The following BACH2 variants were observed in gnomAD, a reference collection of about 807,000 sequenced individuals.
BACH2 encodes BACH transcriptional regulator 2, also known as transcription regulator protein BACH2.
BACH2 carries 5 observed loss-of-function variants against 61.8 expected under a neutral mutation model. The ratio of observed to expected loss-of-function variants is 0.08; its 90% CI spans 0.04 to 0.17. The LOEUF (loss-of-function observed/expected upper bound fraction) is 0.17, where lower values mean the gene tolerates loss of function less well. BACH2 is among the 10% of genes least tolerant of loss of function. The pLI is 1.00. For synonymous variants in BACH2, 446 were observed against 440.1 expected (o/e 1.01, Z -0.17); for missense variants, 824 against 1,091.1 (o/e 0.76, Z 3.45).
intron 6 of BACH2, among the ~76,000 whole-genome samples, chr6:89,992,955 A>T (rs61207552): frequency 0.011 from 1,654 of 152,314 alleles, 12 homozygotes; most frequent in Middle Eastern, 0.034. Flanking sequence ...ATGAGGTCAC[A>T]AGGGTGGGGC....
intron 4 of BACH2, among the ~76,000 whole-genome samples, chr6:90,117,536 T>C (rs993667148): frequency 3.3e-5 from 5 of 151,522 alleles, no homozygotes; most frequent in Non-Finnish European, 7.4e-5. Flanking sequence ...CTATGATGAA[T>C]GCTCATTTAT....
intron 3 of BACH2, among the ~76,000 whole-genome samples, chr6:90,227,120 C>T (rs1268391416): frequency 6.6e-6 from 1 of 152,202 alleles, no homozygotes; most frequent in Non-Finnish European, 1.5e-5. Context: ...TTTTCTTAGC[C>T]TAATGGAATA....
At chr6:90,103,464 G>A (rs1782763999) in intron 4 of BACH2, among the ~76,000 whole-genome samples, 1 of 152,176 alleles carries the variant, frequency 6.6e-6, no homozygotes, top group East Asian at 1.9e-4. Flanking sequence ...GACAAAAATC[G>A]AGAAACAATT....
chr6:90,256,995 C>T (rs753352001), intron 2 of BACH2, among the ~76,000 whole-genome samples: 25 of 152,168 alleles, frequency 1.6e-4, no homozygotes, highest in Non-Finnish European at 2.2e-4. Context: ...TGGCGTATTT[C>T]GCTTAGCACA....
intron 4 of BACH2, among the ~76,000 whole-genome samples, chr6:90,201,578 C>T (rs1193909755): frequency 6.6e-6 from 1 of 152,134 alleles, no homozygotes; most frequent in Non-Finnish European, 1.5e-5. Flanking sequence ...AACTCTTTCT[C>T]ATACATGGGT....
At chr6:90,116,925 G>A (rs987536505) in intron 4 of BACH2, 2 of 468,166 alleles carry the variant, frequency 4.3e-6, no homozygotes, top group Non-Finnish European at 3.7e-6. Flanking sequence ...CATTCCCTAT[G>A]TCCAAGTACA....
intron 4 of BACH2, among the ~76,000 whole-genome samples, chr6:90,132,430 C>T (rs1293462502): frequency 6.6e-6 from 1 of 152,190 alleles, no homozygotes; most frequent in African/African-American, 2.4e-5. Flanking sequence ...TACTTCCAGG[C>T]TCCTAGACTT....
intron 1 of BACH2, among the ~76,000 whole-genome samples, 159 bp downstream of exon 1, chr6:90,296,321 A>G (rs1772385598): frequency 6.6e-6 from 1 of 151,134 alleles, no homozygotes; most frequent in Non-Finnish European, 1.5e-5. Context: ...AAAAGCGGGC[A>G]GGGCGCGGGG....
At chr6:89,963,190 C>T (rs1160527814) in intron 6 of BACH2, among the ~76,000 whole-genome samples, 1 of 152,162 alleles carries the variant, frequency 6.6e-6, no homozygotes, top group Non-Finnish European at 1.5e-5. Flanking sequence ...TGAGATCTCA[C>T]CTTACACCCA....
At chr6:90,017,318 C>T (rs1322255899) in intron 5 of BACH2, among the ~76,000 whole-genome samples, 1 of 151,916 alleles carries the variant, frequency 6.6e-6, no homozygotes, top group East Asian at 1.9e-4. Flanking sequence ...CTCCTGGGTT[C>T]GAGTGATTCT....
intron 4 of BACH2, among the ~76,000 whole-genome samples, chr6:90,149,597 G>T (rs1015883295): frequency 1.3e-5 from 2 of 152,126 alleles, no homozygotes; most frequent in Non-Finnish European, 2.9e-5. Context: ...CAGCATAAAC[G>T]AAACATTCAA....
At chr6:90,251,126 T>C (rs940636492) in intron 3 of BACH2, among the ~76,000 whole-genome samples, 9 of 151,918 alleles carry the variant, frequency 5.9e-5, no homozygotes, top group African/African-American at 2.2e-4. Context: ...AAAATAGTAA[T>C]AATAATATAG....
chr6:89,939,145 G>A (rs1043708700), intron 7 of BACH2, among the ~76,000 whole-genome samples: 1 of 152,188 alleles, frequency 6.6e-6, no homozygotes, highest in South Asian at 2.1e-4. Context: ...TATAGTTTCT[G>A]AGGCTAGGTC....
At chr6:90,295,940 G>A (rs1000920836) in intron 1 of BACH2, among the ~76,000 whole-genome samples, 5 of 152,084 alleles carry the variant, frequency 3.3e-5, no homozygotes, top group South Asian at 4.1e-4. Context: ...GCGCAAAGGC[G>A]CCGCGGCCAA....
At chr6:90,234,475 G>A (rs1770198519) in intron 3 of BACH2, among the ~76,000 whole-genome samples, 1 of 152,148 alleles carries the variant, frequency 6.6e-6, no homozygotes, top group Non-Finnish European at 1.5e-5. Context: ...ACCTTAGCCT[G>A]AAAAAGCTCT....
At chr6:89,941,880 C>A (rs1201336999) in intron 7 of BACH2, among the ~76,000 whole-genome samples, 1 of 152,146 alleles carries the variant, frequency 6.6e-6, no homozygotes, top group Non-Finnish European at 1.5e-5. Flanking sequence ...TTAAATCATC[C>A]AGACAGTGAA....
At chr6:89,993,836 A>G (rs1776711009) in intron 6 of BACH2, among the ~76,000 whole-genome samples, 1 of 150,574 alleles carries the variant, frequency 6.6e-6, no homozygotes, top group African/African-American at 2.4e-5. Context: ...TCTATATTTC[A>G]TACTTGAATA....
At chr6:90,188,760 G>GAAAAAAAAAAAAAA (rs57618295) in intron 4 of BACH2, among the ~76,000 whole-genome samples, 1 of 78,746 alleles carries the variant, frequency 1.3e-5, no homozygotes, top group Non-Finnish European at 2.6e-5. Context: ...GCCCCAAAAT[G>GAAAAAAAAAAAAAA]AAAAAAAAAA....
intron 4 of BACH2, among the ~76,000 whole-genome samples, chr6:90,107,344 C>T (rs1046073259): frequency 6.6e-6 from 1 of 151,850 alleles, no homozygotes; most frequent in Non-Finnish European, 1.5e-5. Flanking sequence ...TACATTCCAG[C>T]CTGGAGACAG....
Sources: allele counts gnomAD v4.1 joint callset (sites outside exome capture counted in the v4.1 genomes callset), GRCh38; gene constraint gnomAD v4.1.1; transcripts MANE v1.5; gene names NCBI Gene and HGNC (gene_info 2026-07-23, HGNC 2026-07-21).